The following PUDP variants were observed in gnomAD, a reference collection of about 807,000 sequenced individuals.
PUDP encodes the protein pseudouridine 5'-phosphatase.
Under a neutral mutation model 9.4 loss-of-function variants are expected in PUDP, and 8 were observed. That is an observed-to-expected ratio of 0.85 (90% CI 0.50 to 1.53). PUDP has a LOEUF of 1.53. PUDP is among the 40% of genes most tolerant of loss of function. PUDP has a pLI of 0.00. For missense variants in PUDP, 188 were observed against 189.7 expected (o/e 0.99, Z 0.05); for synonymous variants, 99 against 80.7 (o/e 1.23, Z -1.22).
chrX:6,767,425 T>A (rs1839436), intron 3 of PUDP, among the ~76,000 whole-genome samples: 1 of 111,505 alleles, frequency 9.0e-6, no homozygotes, highest in Non-Finnish European at 1.9e-5. Context: ...GAGCTGCTTT[T>A]TATTTTATCT....
At chrX:6,873,097 A>G (rs1236187267) in intron 3 of PUDP, among the ~76,000 whole-genome samples, 2 of 111,746 alleles carry the variant, frequency 1.8e-5, no homozygotes, top group Non-Finnish European at 3.8e-5. Flanking sequence ...CCTCAGGAAG[A>G]CTCAAACGGC....
At chrX:6,924,651 T>C (rs1417913639) in intron 3 of PUDP, among the ~76,000 whole-genome samples, 1 of 112,437 alleles carries the variant, frequency 8.9e-6, no homozygotes, top group Non-Finnish European at 1.9e-5. Flanking sequence ...ATTTTGACTG[T>C]GACTCCTCCC....
chrX:6,858,318 CTTTCTTTTTTTTT>C (rs1243496173), intron 3 of PUDP, among the ~76,000 whole-genome samples: 29 of 92,129 alleles, frequency 3.1e-4, no homozygotes, highest in East Asian at 4.0e-4. Context: ...TTTTTTTTTT[CTTTCTTTTTTTTT>C]TTTCTTTTTT....
intron 3 of PUDP, among the ~76,000 whole-genome samples, chrX:6,976,241 G>A (rs757589500): frequency 3.6e-5 from 4 of 111,486 alleles, no homozygotes; most frequent in Non-Finnish European, 5.7e-5. Flanking sequence ...AGGAGCCACT[G>A]GGGTATGAAA....
chrX:6,718,836 G>A (rs1924629565), intron 1 of PUDP, among the ~76,000 whole-genome samples: 1 of 111,980 alleles, frequency 8.9e-6, no homozygotes, highest in Non-Finnish European at 1.9e-5. Context: ...CTGTGAGGGG[G>A]CTTATGAAGA....
intron 1 of PUDP, among the ~76,000 whole-genome samples, chrX:7,038,122 GAT>G (rs767311031): frequency 9.0e-6 from 1 of 110,713 alleles, no homozygotes; most frequent in Non-Finnish European, 1.9e-5. Context: ...AGAGGATGCA[GAT>G]ATATATATAT....
intron 1 of PUDP, among the ~76,000 whole-genome samples, chrX:7,138,831 T>C (rs1162624200): frequency 8.9e-6 from 1 of 112,078 alleles, no homozygotes. Flanking sequence ...ACAGGAGAAA[T>C]GCATGTGTTA....
chrX:6,939,292 A>G (rs1007987182), intron 3 of PUDP, among the ~76,000 whole-genome samples: 1 of 107,741 alleles, frequency 9.3e-6, no homozygotes, highest in African/African-American at 3.3e-5. Flanking sequence ...TTTATTATTT[A>G]TTAGATTTAT....
intron 3 of PUDP, among the ~76,000 whole-genome samples, chrX:7,067,050 G>C (rs1291285366): frequency 8.9e-6 from 1 of 112,136 alleles, no homozygotes; most frequent in East Asian, 2.8e-4. Flanking sequence ...TGCCATCCTG[G>C]AATTTCTCCA....
intron 1 of PUDP, among the ~76,000 whole-genome samples, chrX:6,986,249 C>T (rs1929101676): frequency 8.9e-6 from 1 of 111,940 alleles, no homozygotes; most frequent in Middle Eastern, 4.6e-3. Context: ...AATAAACTCA[C>T]TTTCAATTTA....
chrX:6,734,432 C>T (rs1022118641), intron 3 of PUDP, among the ~76,000 whole-genome samples: 1 of 112,122 alleles, frequency 8.9e-6, no homozygotes, highest in African/African-American at 3.2e-5. Flanking sequence ...TACAGCAAAA[C>T]ATCACATTGT....
At chrX:6,793,545 TAA>T (rs1426764896) in intron 3 of PUDP, among the ~76,000 whole-genome samples, 7 of 112,206 alleles carry the variant, frequency 6.2e-5, no homozygotes, top group Non-Finnish European at 1.3e-4. Context: ...ATAAAAGGAT[TAA>T]AGAGTCTCAA....
intron 1 of PUDP, among the ~76,000 whole-genome samples, chrX:7,135,635 C>A (rs770226492): frequency 9.8e-5 from 11 of 112,363 alleles, no homozygotes; most frequent in Admixed American, 9.4e-5. Flanking sequence ...TCTAAAGATG[C>A]ATGCTTTACA....
intron 3 of PUDP, among the ~76,000 whole-genome samples, chrX:6,776,174 A>G (rs940710081): frequency 9.0e-6 from 1 of 111,119 alleles, no homozygotes; most frequent in African/African-American, 3.3e-5. Context: ...CTTAATACAC[A>G]TGTATTTAAT....
chrX:6,933,692 G>A (rs1218828665), intron 3 of PUDP, among the ~76,000 whole-genome samples: 2 of 109,228 alleles, frequency 1.8e-5, no homozygotes, highest in Non-Finnish European at 3.8e-5. Context: ...CTGAGCTACG[G>A]GAGGACATTC....
chrX:7,010,160 T>C (rs1929457526), intron 1 of PUDP, among the ~76,000 whole-genome samples: 1 of 111,587 alleles, frequency 9.0e-6, no homozygotes, highest in Admixed American at 9.5e-5. Flanking sequence ...TTTAGAGCAA[T>C]CAGAAAACAC....
chrX:7,113,273 G>C (rs1279107536), intron 1 of PUDP: 2 of 113,175 alleles, frequency 1.8e-5, no homozygotes, highest in Non-Finnish European at 3.7e-5. Flanking sequence ...CCAGGCCCTT[G>C]CAAACAGGTC....
intron 3 of PUDP, among the ~76,000 whole-genome samples, chrX:7,056,963 A>G (rs1930262538): frequency 9.0e-6 from 1 of 111,618 alleles, no homozygotes; most frequent in South Asian, 3.8e-4. Context: ...AGGCGAGGAG[A>G]TGAGCTTAAT....
At chrX:7,100,699 AGAG>A (rs1237966269) in intron 2 of PUDP, among the ~76,000 whole-genome samples, 2 of 112,006 alleles carry the variant, frequency 1.8e-5, no homozygotes, top group Non-Finnish European at 3.8e-5. Flanking sequence ...CGCAGATAAA[AGAG>A]GAGATGGGAG....
Sources: allele counts gnomAD v4.1 joint callset (sites outside exome capture counted in the v4.1 genomes callset), GRCh38; gene constraint gnomAD v4.1.1; transcripts MANE v1.5; gene names NCBI Gene and HGNC (gene_info 2026-07-23, HGNC 2026-07-21).